ABCC8: variants seen among roughly 807,000 people sequenced by gnomAD.
ABCC8 encodes ATP binding cassette subfamily C member 8, also known as ATP-binding cassette sub-family C member 8.
Under a neutral mutation model 188.0 loss-of-function variants are expected in ABCC8, and 137 were observed. The observed-to-expected ratio is 0.73, with a 90% CI of 0.63 to 0.84. The LOEUF is 0.84. Ranked by LOEUF, ABCC8 falls within the 40% of genes least tolerant of loss-of-function variation. The pLI is 0.00. For missense variants in ABCC8, 1,750 were observed against 2,072.7 expected (o/e 0.84, Z 3.02); for synonymous variants, 797 against 846.5 (o/e 0.94, Z 1.01).
At position 17,438,225 on chromosome 11, in the gene ABCC8, C is replaced by T. The variant is rs540735331; in HGVS notation, c.1630+4495G>A. Among the ~76,000 whole-genome samples the T allele has an allele frequency of 1.2e-3, 188 of 152,322 alleles. 1 individual carries two copies. Among genetic ancestry groups the T allele is most frequent in the Non-Finnish European group, 2.0e-3 (136 of 68,028 alleles). ...GCGCCTCCACTGAGGAGGACAGAGGCTTCTCCCACTGCATCCCCAGGCCTG... is the reference window on the plus strand; with the variant it reads ...GCGCCTCCACTGAGGAGGACAGAGGTTTCTCCCACTGCATCCCCAGGCCTG... On this transcript the variant is annotated intron_variant, in intron 10 of 38. Transcript: ENST00000389817.
Position 17,442,719 on chromosome 11 carries a change from C to A in ABCC8, c.1630+1G>T, listed in dbSNP as rs773306994. 1.7e-5 allele frequency: 27 copies of A among 1,613,366 alleles called. No homozygotes were observed. Among genetic ancestry groups the A allele is most frequent in the Non-Finnish European group, 2.3e-5 (27 of 1,180,010 alleles). ...GGGCTGGCTGTGTGGGGTGAACTCA[C>A]TGGAGATGGAGGTATAGATGGCAAA... On this transcript the variant is annotated splice_donor_variant, in intron 10 of 38. Coordinates refer to ENST00000389817, the MANE Select transcript of ABCC8 (RefSeq NM_000352.6). LOFTEE classifies it high-confidence loss of function.
At chr11:17,446,404 A>T (rs1591841152) in intron 8 of ABCC8, among the ~76,000 whole-genome samples, 1 of 152,138 alleles carries the variant, frequency 6.6e-6, no homozygotes, top group African/African-American at 2.4e-5. Context: ...GTGTTAACTA[A>T]TGAGAGAAGC....
chr11:17,405,444 G>T (rs1564890537), intron 27 of ABCC8, 50 bp downstream of exon 27: 1 of 1,613,118 alleles, frequency 6.2e-7, no homozygotes, highest in Non-Finnish European at 8.5e-7. Flanking sequence ...AGCCCCCAGG[G>T]GTCCGAGGTG....
At chr11:17,438,981 G>A (rs1338201560) in intron 10 of ABCC8, among the ~76,000 whole-genome samples, 4 of 152,228 alleles carry the variant, frequency 2.6e-5, no homozygotes, top group Admixed American at 2.6e-4. Context: ...ACACGGTTCT[G>A]CTCTCGCTGC....
chr11:17,401,783 C>T (rs1343748659), intron 29 of ABCC8, among the ~76,000 whole-genome samples: 1 of 152,146 alleles, frequency 6.6e-6, no homozygotes. Flanking sequence ...TTCCCTCATT[C>T]CCCAGGCAAC....
chr11:17,466,493 G>A (rs1004404021), intron 3 of ABCC8, among the ~76,000 whole-genome samples: 6 of 152,056 alleles, frequency 3.9e-5, no homozygotes, highest in Non-Finnish European at 7.4e-5. Flanking sequence ...AATGGTGGTC[G>A]TCAGGGGCTG....
intron 8 of ABCC8, among the ~76,000 whole-genome samples, chr11:17,446,086 C>T (rs1203208887): frequency 1.3e-5 from 2 of 151,950 alleles, no homozygotes; most frequent in Non-Finnish European, 2.9e-5. Flanking sequence ...CTGTCTCAGC[C>T]TCCGGAGTAG....
chr11:17,460,037 C>T (rs1266756581), intron 6 of ABCC8, among the ~76,000 whole-genome samples: 1 of 152,244 alleles, frequency 6.6e-6, no homozygotes, highest in East Asian at 1.9e-4. Flanking sequence ...TCCCACTTCT[C>T]TCTCCTCTGA....
At position 17,432,154 on chromosome 11, in the gene ABCC8, G is replaced by A. The variant is rs368313495; in HGVS notation, c.1671+50C>T. The A allele has an allele frequency of 1.6e-5, 25 of 1,550,248 alleles. No homozygotes were observed. The African/African-American group carries it at 1.9e-4, about 12-fold the overall frequency. ...ATCTGGGCAGCCTGTCACTGCAGAC[G>A]CCCTCCCCCTCCACCCTACCCCCAA... On this transcript the variant is annotated intron_variant, in intron 11 of 38. Transcript: ENST00000389817.
chr11:17,410,248 C>A, intron 22 of ABCC8: 1 of 467,208 alleles, frequency 2.1e-6, no homozygotes, highest in South Asian at 2.9e-5. Flanking sequence ...CTTGATTATT[C>A]CTGAGACTTC....
intron 10 of ABCC8, chr11:17,435,756 G>T (rs1456162897): frequency 3.7e-6 from 5 of 1,347,696 alleles, no homozygotes; most frequent in African/African-American, 2.9e-5. Context: ...GAATCTTCAG[G>T]CCTTTTCCTA....
At position 17,393,677 on chromosome 11, in the gene ABCC8, C is replaced by T. The variant is rs756451185; in HGVS notation, c.4608+20G>A. Reference sequence around the variant, plus strand: ...CCTGTCCCTGGGTGTCCCTCTGCACCCCATCAATGGGCCCCTTACCGCGAT... The same window carrying T: ...CCTGTCCCTGGGTGTCCCTCTGCACTCCATCAATGGGCCCCTTACCGCGAT... On this transcript the variant is annotated intron_variant, in intron 38 of 38. Coordinates refer to ENST00000389817, the MANE Select transcript of ABCC8 (RefSeq NM_000352.6). The T allele has an allele frequency of 5.0e-6, 8 of 1,614,168 alleles. No homozygotes were observed. In the East Asian group the frequency reaches 1.3e-4, roughly 27 times the overall value.
Position 17,393,053 on chromosome 11 carries a change from G to T in ABCC8, c.4684C>A (p.Pro1562Thr). Residue 1562 changes from proline (P) to threonine (T), a missense_variant, in exon 39 of 39, where the codon CCA becomes ACA. By Grantham distance (38) the Pro-to-Thr change is conservative. Coordinates refer to ENST00000389817, the MANE Select transcript of ABCC8 (RefSeq NM_000352.6). ...TCCTTCCGGCTGAGCAGCTTCTCTG[G>T]CTTATCGAACTCAAGGATGGCACCC... Reference protein sequence around the residue: ...KRGAILEFDKPEKLLSRKDSV... With the variant: ...KRGAILEFDKTEKLLSRKDSV... 6.2e-7 allele frequency: 1 copy of T among 1,614,144 alleles called. No individual in the cohort carries two copies. Among genetic ancestry groups the T allele is most frequent in the East Asian group, 2.2e-5 (1 of 44,874 alleles).
At position 17,427,866 on chromosome 11, in the gene ABCC8, C is replaced by T. The variant is rs1554924540; in HGVS notation, c.2116+1G>A. ...TGCTGGAGGGGTGGACTGGGCCATA[C>T]CTCGGGGGATACGAATGGTGATGTT... On this transcript the variant is annotated splice_donor_variant, in intron 15 of 38. Coordinates refer to ENST00000389817, the MANE Select transcript of ABCC8 (RefSeq NM_000352.6). LOFTEE classifies it high-confidence loss of function. This position sits in a 1 kb window ranked among gnomAD's most constrained non-coding sequence, Gnocchi z 5.0. 1 of 1,613,986 alleles carries T rather than the reference C, an allele frequency of 6.2e-7. No individual in the cohort carries two copies.
rs1212119976 is a variant in ABCC8, at chr11:17,427,219, AAGAC to A, written c.2117-69_2117-66del. On this transcript the variant is annotated intron_variant, in intron 15 of 38. Transcript: ENST00000389817. The surrounding 1 kb of genome is among the most constrained non-coding windows in gnomAD (Gnocchi z 5.0). ...GGAGTCTGAACAACCATTACCCAGA[AAGAC>A]AGACAGACAGATGCACCCAACCCTG... 6.7e-6 allele frequency: 10 copies of A among 1,501,412 alleles called. No homozygotes were observed. Among genetic ancestry groups the A allele is most frequent in the Admixed American group, 6.2e-5 (3 of 48,410 alleles). 93.0% of individuals were successfully genotyped at this position (1,501,412 alleles called of 1,614,324 possible).
At chr11:17,455,674 A>C (rs1431663482) in intron 6 of ABCC8, among the ~76,000 whole-genome samples, 2 of 152,168 alleles carry the variant, frequency 1.3e-5, no homozygotes, top group Middle Eastern at 3.2e-3. Context: ...GTGGTGGGTC[A>C]TGCCTGTAAT....
chr11:17,444,283 C>T (rs902710884), intron 8 of ABCC8: 1 of 152,234 alleles, frequency 6.6e-6, no homozygotes, highest in Non-Finnish European at 1.5e-5. Context: ...ATGAAGTACC[C>T]TCTTCCCTGG....
chr11:17,432,056 C>T, intron 11 of ABCC8, 148 bp downstream of exon 11: 1 of 1,141,212 alleles, frequency 8.8e-7, no homozygotes, highest in African/African-American at 1.5e-5. Flanking sequence ...GCCACACCCT[C>T]TATAAACTTT....
intron 10 of ABCC8, 197 bp from the exon 11 acceptor site, chr11:17,432,441 G>A (rs1307460315): frequency 8.3e-7 from 1 of 1,206,560 alleles, no homozygotes; most frequent in African/African-American, 1.5e-5. Flanking sequence ...CTTGTCCCAG[G>A]TACCCCGGCC....
Sources: gnomAD v4.1 joint callset for allele counts (sites outside exome capture counted in the v4.1 genomes callset) on GRCh38, gnomAD v4.1.1 for gene constraint, Gnocchi (gnomAD v3.1) non-coding constraint, MANE v1.5 for transcripts, NCBI Gene and HGNC (gene_info 2026-07-23, HGNC 2026-07-21) for gene names.